The following KCTD16 variants were observed in gnomAD, a reference collection of about 807,000 sequenced individuals.
KCTD16 encodes potassium channel tetramerization domain containing 16, also known as BTB/POZ domain-containing protein KCTD16.
In KCTD16, 13 loss-of-function variants were observed where a neutral mutation model predicts 33.2. The ratio of observed to expected loss-of-function variants is 0.39; its 90% CI spans 0.25 to 0.62. The LOEUF is 0.62. Ranked by LOEUF, KCTD16 falls within the 20% of genes least tolerant of loss-of-function variation. The pLI is 0.50. For synonymous variants in KCTD16, 197 were observed against 195.3 expected (o/e 1.01, Z -0.07); for missense variants, 441 against 525.1 (o/e 0.84, Z 1.57).
intron 3 of KCTD16, among the ~76,000 whole-genome samples, chr5:144,414,661 T>C (rs1220592246): frequency 6.6e-6 from 1 of 152,214 alleles, no homozygotes; most frequent in African/African-American, 2.4e-5. Flanking sequence ...TTTATCAAAG[T>C]TTTATTTATC....
Position 144,183,440 on chromosome 5 carries a change from A to G in KCTD16, c.-327+8968A>G, listed in dbSNP as rs191754127. 6.6e-5 allele frequency among the ~76,000 whole-genome samples: 10 copies of G among 152,232 alleles called. No individual in the cohort carries two copies. In the East Asian group the frequency reaches 1.7e-3, roughly 26 times the overall value. ...GATGACTCTCCTTTTCGTCTCTACAATTTCACATCAGTAAAATGTTTATTC... is the reference window on the plus strand; with the variant it reads ...GATGACTCTCCTTTTCGTCTCTACAGTTTCACATCAGTAAAATGTTTATTC... On this transcript the variant is annotated intron_variant, in intron 2 of 3. Coordinates refer to ENST00000512467, the MANE Select transcript of KCTD16 (RefSeq NM_020768.4).
intron 2 of KCTD16, among the ~76,000 whole-genome samples, chr5:144,177,154 A>T (rs1347676505): frequency 1.3e-5 from 2 of 152,196 alleles, no homozygotes; most frequent in African/African-American, 4.8e-5. Context: ...CCAGAATTAA[A>T]AAAAGAAGAA....
chr5:144,468,941 T>C lies in KCTD16; in HGVS notation c.833-4719T>C, dbSNP rs79528996. Among the ~76,000 whole-genome samples the C allele has an allele frequency of 2.8e-3, 429 of 152,368 alleles. 3 individuals are homozygous for C. Among genetic ancestry groups the C allele is most frequent in the African/African-American group, 9.9e-3 (412 of 41,592 alleles). ...TAGAGGAGAAATATTCTGTAGTCTT[T>C]TCTGTTTAAGTTCTTCTTTATCAGT... On this transcript the variant is annotated intron_variant, in intron 3 of 3. Coordinates refer to ENST00000512467, the MANE Select transcript of KCTD16 (RefSeq NM_020768.4).
intron 3 of KCTD16, among the ~76,000 whole-genome samples, chr5:144,383,367 T>A (rs1225693716): frequency 6.6e-6 from 1 of 152,168 alleles, no homozygotes; most frequent in Non-Finnish European, 1.5e-5. Flanking sequence ...ACTCCCTGGC[T>A]CAGCTTTTTT....
chr5:144,380,025 G>T (rs1177475888), intron 3 of KCTD16, among the ~76,000 whole-genome samples: 1 of 151,970 alleles, frequency 6.6e-6, no homozygotes, highest in Non-Finnish European at 1.5e-5. Context: ...TGCAAGTGTG[G>T]TTTCCTCTGC....
chr5:144,218,473 A>C (rs1170218361), intron 3 of KCTD16, among the ~76,000 whole-genome samples: 1 of 152,132 alleles, frequency 6.6e-6, no homozygotes, highest in Non-Finnish European at 1.5e-5. Flanking sequence ...TTTATTTCTG[A>C]TTTAATTAGA....
At chr5:144,192,487 T>C (rs1459001332) in intron 2 of KCTD16, among the ~76,000 whole-genome samples, 2 of 152,226 alleles carry the variant, frequency 1.3e-5, no homozygotes, top group African/African-American at 4.8e-5. Flanking sequence ...AGGGAACGAA[T>C]AAAGCGAAGG....
chr5:144,353,380 A>C (rs1307249831), intron 3 of KCTD16, among the ~76,000 whole-genome samples: 1 of 152,348 alleles, frequency 6.6e-6, no homozygotes, highest in African/African-American at 2.4e-5. Context: ...GAAGCAGTAC[A>C]GTGGTTAAAG....
intron 2 of KCTD16, among the ~76,000 whole-genome samples, chr5:144,204,146 T>C (rs1385891221): frequency 2.6e-5 from 4 of 152,228 alleles, no homozygotes; most frequent in African/African-American, 9.6e-5. Context: ...TATCCTACTG[T>C]TGAGCGTATC....
At chr5:144,281,143 C>T (rs2126854936) in intron 3 of KCTD16, among the ~76,000 whole-genome samples, 1 of 152,364 alleles carries the variant, frequency 6.6e-6, no homozygotes, top group African/African-American at 2.4e-5. Context: ...GATCGCGCCA[C>T]TGTACTCCAG....
intron 2 of KCTD16, among the ~76,000 whole-genome samples, chr5:144,186,711 T>A (rs1752734213): frequency 6.6e-6 from 1 of 152,220 alleles, no homozygotes. Flanking sequence ...CTATGTATGT[T>A]AAAGTTTTAA....
chr5:144,387,047 G>A (rs1215017211), intron 3 of KCTD16, among the ~76,000 whole-genome samples: 2 of 151,734 alleles, frequency 1.3e-5, no homozygotes, highest in African/African-American at 4.8e-5. Context: ...GCTCACTGCA[G>A]CCTCAGTCTC....
At position 144,207,487 on chromosome 5, in the gene KCTD16, T is replaced by A; in HGVS notation, c.773T>A (p.Phe258Tyr). The A allele has an allele frequency of 6.2e-7, 1 of 1,614,188 alleles. No individual in the cohort carries two copies. The highest frequency in any genetic ancestry group is 1.1e-5 in the South Asian group (1 of 91,080). ...TGTAACTCATCGGTGACAGCATCTTTCATCAACCAATATACAGATGACAAG... is the reference window on the plus strand; with the variant it reads ...TGTAACTCATCGGTGACAGCATCTTACATCAACCAATATACAGATGACAAG... ...VACNSSVTAS[F>Y]INQYTDDKIW... The change falls in exon 3 of 4, where the codon TTC becomes TAC. Residue 258 changes from phenylalanine (F) to tyrosine (Y), a missense_variant. By Grantham distance (22) the Phe-to-Tyr change is conservative. Transcript: ENST00000512467.
intron 2 of KCTD16, among the ~76,000 whole-genome samples, chr5:144,196,956 A>G (rs1752950976): frequency 6.6e-6 from 1 of 152,174 alleles, no homozygotes; most frequent in South Asian, 2.1e-4. Context: ...TACAGCAAAA[A>G]AGGTGATGTT....
chr5:144,393,924 G>T (rs930560092), intron 3 of KCTD16, among the ~76,000 whole-genome samples: 13 of 130,022 alleles, frequency 1.0e-4, no homozygotes, highest in African/African-American at 3.1e-4. Flanking sequence ...TTTTCATGCT[G>T]TTTTTTTCTT....
At chr5:144,357,727 T>C (rs1580898661) in intron 3 of KCTD16, among the ~76,000 whole-genome samples, 1 of 151,990 alleles carries the variant, frequency 6.6e-6, no homozygotes, top group African/African-American at 2.4e-5. Context: ...GAGAAAGAGG[T>C]GAAGGAAAAT....
intron 2 of KCTD16, among the ~76,000 whole-genome samples, chr5:144,183,439 A>G (rs1752666253): frequency 6.6e-6 from 1 of 152,156 alleles, no homozygotes; most frequent in South Asian, 2.1e-4. Context: ...TCGTCTCTAC[A>G]ATTTCACATC....
chr5:144,275,707 G>A (rs890809622), intron 3 of KCTD16, among the ~76,000 whole-genome samples: 1 of 152,136 alleles, frequency 6.6e-6, no homozygotes, highest in Non-Finnish European at 1.5e-5. Flanking sequence ...AACACTGAAC[G>A]GCGAGGGATG....
chr5:144,196,768 C>G (rs1752946921), intron 2 of KCTD16, among the ~76,000 whole-genome samples: 1 of 152,292 alleles, frequency 6.6e-6, no homozygotes, highest in East Asian at 1.9e-4. Flanking sequence ...AACACTGGCT[C>G]CATTTCAAAC....
Sources: gnomAD v4.1 joint callset for allele counts (sites outside exome capture counted in the v4.1 genomes callset) on GRCh38, gnomAD v4.1.1 for gene constraint, MANE v1.5 for transcripts, NCBI Gene and HGNC (gene_info 2026-07-23, HGNC 2026-07-21) for gene names.